NECTIN1: variants seen among roughly 807,000 people sequenced by gnomAD.
The protein encoded by NECTIN1 is nectin-1.
NECTIN1 carries 23 observed loss-of-function variants against 48.0 expected under a neutral mutation model. The ratio of observed to expected loss-of-function variants is 0.48; its 90% CI spans 0.34 to 0.68. The LOEUF is 0.68. Ranked by LOEUF, NECTIN1 falls within the 30% of genes least tolerant of loss-of-function variation. The pLI, the probability that NECTIN1 is intolerant of heterozygous loss-of-function variation, is 0.01. For missense variants in NECTIN1, 591 were observed against 709.9 expected, an observed-to-expected ratio of 0.83 and a Z score of 1.90; for synonymous variants, 270 against 288.9, an observed-to-expected ratio of 0.93 and a Z score of 0.66.
In NECTIN1 at chr11:119,663,647, C is replaced by T. The variant is rs761005831; in HGVS notation, c.*1100G>A. ...TGTGGATGCTTCTTTACCTCTGACT[C>T]CTGCAGGTGGATCCCCCTGGGATCC... is the stretch of plus-strand genomic sequence containing the variant. On this transcript the variant is annotated 3_prime_UTR_variant, in exon 6 of 6. Coordinates refer to ENST00000264025, the MANE Select transcript of NECTIN1 (RefSeq NM_002855.5). 7 of 985,480 alleles carry T rather than the reference C, an allele frequency of 7.1e-6. No homozygotes were observed. In the South Asian group the frequency reaches 2.3e-4, roughly 33 times the overall value. 61.0% of individuals were successfully genotyped at this position (985,480 alleles called of 1,614,324 possible).
At chr11:119,712,473 C>T (rs1366529941) in intron 1 of NECTIN1, among the ~76,000 whole-genome samples, 1 of 152,176 alleles carries the variant, frequency 6.6e-6, no homozygotes, top group Non-Finnish European at 1.5e-5. Flanking sequence ...CCAGTTCATC[C>T]ATCACTACTG....
chr11:119,655,765 AG>A (rs1864563477), intron 5 of NECTIN1, among the ~76,000 whole-genome samples: 1 of 152,126 alleles, frequency 6.6e-6, no homozygotes, highest in South Asian at 2.1e-4. Context: ...TCCGCATAGA[AG>A]GGTAGCCCTG....
chr11:119,648,412 G>GTGGTGGTGA (rs1565376851), intron 5 of NECTIN1, among the ~76,000 whole-genome samples: 4 of 44,420 alleles, frequency 9.0e-5, no homozygotes, highest in Non-Finnish European at 1.8e-4. Flanking sequence ...GATGGTGATG[G>GTGGTGGTGA]TGGTGGTGAT....
chr11:119,681,573 G>A (rs980410166), intron 1 of NECTIN1, among the ~76,000 whole-genome samples: 1 of 152,208 alleles, frequency 6.6e-6, no homozygotes, highest in Admixed American at 6.5e-5. Context: ...GAGGGGAGAC[G>A]GCTGATAGCG....
At chr11:119,660,532 G>A (rs1322742520), downstream of NECTIN1, among the ~76,000 whole-genome samples, 1 of 152,126 alleles carries the variant, frequency 6.6e-6, no homozygotes, top group East Asian at 1.9e-4. Flanking sequence ...CACGGCAGGC[G>A]TGACACTGCT....
At chr11:119,719,189 T>C (rs1039821742) in intron 1 of NECTIN1, among the ~76,000 whole-genome samples, 18 of 152,282 alleles carry the variant, frequency 1.2e-4, no homozygotes, top group African/African-American at 4.1e-4. Flanking sequence ...TCAGCACTAA[T>C]AACTCCCCAA....
downstream of NECTIN1, among the ~76,000 whole-genome samples, chr11:119,657,104 G>A (rs1009462602): frequency 6.6e-6 from 1 of 152,178 alleles, no homozygotes; most frequent in Non-Finnish European, 1.5e-5. Context: ...CACAGGTGAC[G>A]ATGATGATGA....
In NECTIN1 at chr11:119,691,531, T is replaced by C. The variant is rs1273769422; in HGVS notation, c.80-12766A>G. ...GTGCTGCCCACTCTCTGCCTTGCTC[T>C]TGCCCCGCTACAGCAGGGCCTGTGG... On this transcript the variant is annotated intron_variant, in intron 1 of 5. Transcript: ENST00000264025. Among the ~76,000 whole-genome samples, 3 of 152,362 alleles carry C rather than the reference T, an allele frequency of 2.0e-5. 1 individual carries two copies. Among genetic ancestry groups the C allele is most frequent in the South Asian group, 4.1e-4 (2 of 4,830 alleles).
rs1865600066 is a variant in NECTIN1 at position 119,709,477 on chromosome 11, C to A, written c.79+18998G>T. Among the ~76,000 whole-genome samples the A allele has an allele frequency of 6.6e-6, 1 of 152,134 alleles. No homozygotes were observed. The highest frequency in any genetic ancestry group is 2.4e-5 in the African/African-American group (1 of 41,430). The stretch of plus-strand genomic sequence containing the variant: ...CCTCTAAAGAGTCCTTTCTGTGGGG[C>A]CCTGAGCGTCTGTAACCAGGCTGTG... On this transcript the variant is annotated intron_variant, in intron 1 of 5. Transcript: ENST00000264025. The surrounding 1 kb of genome is among the most constrained non-coding windows in gnomAD (Gnocchi z 4.1).
At chr11:119,646,986 C>T (rs1864403854) in intron 5 of NECTIN1, among the ~76,000 whole-genome samples, 1 of 152,188 alleles carries the variant, frequency 6.6e-6, no homozygotes, top group Non-Finnish European at 1.5e-5. Context: ...GCTCCTGTGG[C>T]AGACCTGCCA....
chr11:119,688,674 T>C (rs1865203055), intron 1 of NECTIN1, among the ~76,000 whole-genome samples: 1 of 151,994 alleles, frequency 6.6e-6, no homozygotes, highest in African/African-American at 2.4e-5. Flanking sequence ...GGGCTGGCTG[T>C]GGCAAGCTGG....
chr11:119,640,178 G>T, intron 5 of NECTIN1: 2 of 730,412 alleles, frequency 2.7e-6, no homozygotes, highest in Non-Finnish European at 4.6e-6. Flanking sequence ...CTCCCAGCCG[G>T]TGTGGGATGG....
In NECTIN1 at chr11:119,665,220, C is replaced by T. The variant is rs140410989; in HGVS notation, c.1081G>A (p.Ala361Thr). 8.1e-6 allele frequency: 13 copies of T among 1,604,466 alleles called. No homozygotes were observed. Among genetic ancestry groups the T allele is most frequent in the Non-Finnish European group, 1.1e-5 (13 of 1,179,116 alleles). Residue 361 changes from alanine (A) to threonine (T), a missense_variant, in exon 6 of 6, where the codon GCG becomes ACG. Transcript: ENST00000264025. The surrounding 1 kb of genome is among the most constrained non-coding windows in gnomAD (Gnocchi z 5.1). ...ATCAACACCAGCAGGATGCTCCCCG[C>T]CACGCCCCCAATGATGGCCGTGGGC... ...PVPTAIIGGVAGSILLVLIVV... is the reference protein window; with the variant it reads ...PVPTAIIGGVTGSILLVLIVV...
At chr11:119,706,874 G>C (rs1482967993) in intron 1 of NECTIN1, among the ~76,000 whole-genome samples, 5 of 152,150 alleles carry the variant, frequency 3.3e-5, no homozygotes, top group Admixed American at 3.3e-4. Context: ...GTCCTCAGTG[G>C]GTCAGTATTC....
intron 1 of NECTIN1, among the ~76,000 whole-genome samples, chr11:119,724,480 C>A (rs527287659): frequency 1.6e-4 from 24 of 152,290 alleles, no homozygotes; most frequent in Admixed American, 1.2e-3. Flanking sequence ...TTCCCACCCC[C>A]CAAAGGACCC....
chr11:119,646,636 C>T (rs763833537), intron 5 of NECTIN1, among the ~76,000 whole-genome samples: 1 of 152,178 alleles, frequency 6.6e-6, no homozygotes, highest in East Asian at 1.9e-4. Context: ...TGGTGAAATG[C>T]TCAGGGTCAC....
At position 119,728,740 on chromosome 11, in the gene NECTIN1, G is replaced by A; in HGVS notation, c.-187C>T. 2.2e-6 allele frequency: 1 copy of A among 456,888 alleles called. No homozygotes were observed. Among genetic ancestry groups the A allele is most frequent in the Non-Finnish European group, 3.9e-6 (1 of 259,708 alleles). 28.3% of individuals were successfully genotyped at this position (456,888 alleles called of 1,614,324 possible). A position where few individuals can be genotyped will look rare whatever the true frequency, so the allele number is the denominator to read the frequency against. On this transcript the variant is annotated 5_prime_UTR_variant, in exon 1 of 6. Transcript: ENST00000264025. ...CGCGCGGCCGCAGTCCGGGCCCCGG[G>A]CCGCCGCCGGCTCAGAGGCTCGGCA...
chr11:119,651,979 G>C (rs1433285416), intron 5 of NECTIN1, among the ~76,000 whole-genome samples: 1 of 152,118 alleles, frequency 6.6e-6, no homozygotes, highest in African/African-American at 2.4e-5. Context: ...GTGAGAAGTG[G>C]CAGAGCTGGT....
At chr11:119,722,593 G>A (rs527889040) in intron 1 of NECTIN1, among the ~76,000 whole-genome samples, 195 of 152,384 alleles carry the variant, frequency 1.3e-3, no homozygotes, top group African/African-American at 4.4e-3. Context: ...ACAGGCGGCA[G>A]AACAAAGGCC....
Sources: allele counts gnomAD v4.1 joint callset (sites outside exome capture counted in the v4.1 genomes callset), GRCh38; gene constraint gnomAD v4.1.1; non-coding constraint Gnocchi (gnomAD v3.1); transcripts MANE v1.5; gene names NCBI Gene and HGNC (gene_info 2026-07-23, HGNC 2026-07-21).